Variants in ASPG observed in about 807,000 individuals in gnomAD.
The protein encoded by ASPG is 60 kDa lysophospholipase.
Under a neutral mutation model 63.2 loss-of-function variants are expected in ASPG, and 53 were observed. That is an observed-to-expected ratio of 0.84 (90% confidence interval 0.67 to 1.05). The LOEUF (loss-of-function observed/expected upper bound fraction) is 1.05. Among genes scored for constraint, ASPG ranks in the 50% least tolerant of loss-of-function variants. The pLI, the probability that ASPG is intolerant of heterozygous loss-of-function variation, is 0.00. For synonymous variants in ASPG, 370 were observed against 355.0 expected (o/e 1.04, Z -0.48); for missense variants, 741 against 794.4 (o/e 0.93, Z 0.81).
chr14:104,092,293 T>G (rs2036392056), intron 1 of ASPG, among the ~76,000 whole-genome samples: 1 of 152,060 alleles, frequency 6.6e-6, no homozygotes, highest in Admixed American at 6.5e-5. Flanking sequence ...CCCGTGGGCC[T>G]TGGTGGGGAG....
chr14:104,092,652 C>A lies in ASPG; in HGVS notation c.102C>A (p.Gly34=). The change falls in exon 2 of 16, where the codon GGC becomes GGA. Residue 34 remains glycine (G), a synonymous_variant. Coordinates refer to ENST00000551177, the MANE Select transcript of ASPG (RefSeq NM_001080464.3). ...SELGVLVPGT[G]LAAILRTLPM... The stretch of plus-strand genomic sequence containing the variant: ...CTGCAGTGCTTGTGCCCGGGACGGG[C>A]CTGGCTGCCATCCTGAGGACACTGC... The A allele has an allele frequency of 6.5e-7, 1 of 1,536,414 alleles. No individual in the cohort carries two copies. The highest frequency in any genetic ancestry group is 8.7e-7 in the Non-Finnish European group (1 of 1,147,300).
chr14:104,108,697 C>A (rs999513027), intron 12 of ASPG: 12 of 985,196 alleles, frequency 1.2e-5, no homozygotes, highest in African/African-American at 3.5e-5. Context: ...ACCCCACCCC[C>A]ACAGACTCCA....
In ASPG at chr14:104,105,380, GC is replaced by G; in HGVS notation, c.1105del (p.Arg369GlyfsTer19). 1 of 1,612,496 alleles carries G rather than the reference GC, an allele frequency of 6.2e-7. No individual in the cohort carries two copies. The highest frequency in any genetic ancestry group is 8.5e-7 in the Non-Finnish European group (1 of 1,179,720). ...GEMTPPSVEE[R>X]RPSLQGNTLG... The stretch of plus-strand genomic sequence containing the variant: ...ATGACGCCACCCTCGGTGGAAGAGC[GC>G]CGGCCCTCACTGCAGGGCAACACGC... On this transcript the variant is annotated frameshift_variant, in exon 10 of 16. Coordinates refer to ENST00000551177, the MANE Select transcript of ASPG (RefSeq NM_001080464.3). LOFTEE classifies it high-confidence loss of function.
At chr14:104,107,103 A>C (rs2037164755) in intron 11 of ASPG, 79 bp from the exon 12 acceptor site, 1 of 1,496,716 alleles carries the variant, frequency 6.7e-7, no homozygotes, top group Admixed American at 2.2e-5. Context: ...CTACCCTCAG[A>C]GGGACCCCAC....
chr14:104,086,694 G>T (rs1322725536), intron 1 of ASPG, among the ~76,000 whole-genome samples: 1 of 152,030 alleles, frequency 6.6e-6, no homozygotes, highest in African/African-American at 2.4e-5. Context: ...CTCCCTTGGG[G>T]CCAGGACAGC....
chr14:104,112,826 TC>T lies in ASPG; in HGVS notation c.*284del. 5.3e-6 allele frequency: 3 copies of T among 561,144 alleles called. No homozygotes were observed. Among genetic ancestry groups the T allele is most frequent in the Non-Finnish European group, 9.2e-6 (3 of 326,696 alleles). The allele number at this position is 561,144 out of a possible 1,614,324, so 34.8% of individuals were successfully genotyped here. ...CTGCGGGGGTCACTTGGCCCATCCT[TC>T]CGGGGGCAGCTGTGCGTGTGAGCTG... On this transcript the variant is annotated 3_prime_UTR_variant, in exon 16 of 16. Transcript: ENST00000551177.
chr14:104,107,464 C>T (rs2037187186), intron 12 of ASPG, 119 bp downstream of exon 12: 1 of 1,058,426 alleles, frequency 9.4e-7, no homozygotes, highest in Non-Finnish European at 1.2e-6. Context: ...ACACCTGCTT[C>T]CTAAAGGCTG....
chr14:104,111,828 G>A, intron 14 of ASPG, 92 bp from the exon 15 acceptor site: 1 of 1,293,964 alleles, frequency 7.7e-7, no homozygotes, highest in Non-Finnish European at 1.1e-6. Context: ...TGTGGGCTGG[G>A]GACAGGGGAG....
chr14:104,108,038 C>A (rs978843892), intron 12 of ASPG, among the ~76,000 whole-genome samples: 10 of 152,052 alleles, frequency 6.6e-5, no homozygotes, highest in African/African-American at 1.9e-4. Context: ...GCTCAGGAGT[C>A]CCATGGAGAG....
chr14:104,111,773 G>A (rs2037391431), intron 14 of ASPG, 147 bp from the exon 15 acceptor site: 1 of 963,692 alleles, frequency 1.0e-6, no homozygotes, highest in Non-Finnish European at 1.5e-6. Flanking sequence ...GGGGCTCTGA[G>A]TGGTGGGGGT....
chr14:104,111,150 CAT>C (rs1259079823), intron 13 of ASPG: 75 of 985,372 alleles, frequency 7.6e-5, no homozygotes, highest in Admixed American at 1.2e-4. Context: ...CGCATGTGCT[CAT>C]GTGTGTGTGC....
chr14:104,087,421 T>C (rs1182537327), intron 1 of ASPG, among the ~76,000 whole-genome samples: 1 of 152,138 alleles, frequency 6.6e-6, no homozygotes, highest in Non-Finnish European at 1.5e-5. Flanking sequence ...GTAGGGGCTG[T>C]GGGCTGATAA....
At chr14:104,095,292 G>T (rs1464060689) in intron 3 of ASPG, among the ~76,000 whole-genome samples, 1 of 152,226 alleles carries the variant, frequency 6.6e-6, no homozygotes, top group Non-Finnish European at 1.5e-5. Context: ...GCTCTGAGGG[G>T]AGCCTCAGCG....
intron 13 of ASPG, chr14:104,111,108 G>A (rs763227972): frequency 8.3e-5 from 82 of 985,372 alleles, no homozygotes; most frequent in East Asian, 1.1e-4. Flanking sequence ...TGGGCTGCTC[G>A]GCAGGTGGGC....
chr14:104,105,599 G>C, intron 10 of ASPG, 149 bp downstream of exon 10: 1 of 1,161,228 alleles, frequency 8.6e-7, no homozygotes, highest in South Asian at 1.6e-5. Context: ...CCCAGGAGGA[G>C]GGTTTGGGGT....
At position 104,109,086 on chromosome 14, in the gene ASPG, T is replaced by C; in HGVS notation, c.1434-143T>C. 6.8e-7 allele frequency: 1 copy of C among 1,478,764 alleles called. No homozygotes were observed. The highest frequency in any genetic ancestry group is 9.0e-7 in the Non-Finnish European group (1 of 1,115,426). The allele number at this position is 1,478,764 out of a possible 1,614,324, so 91.6% of individuals were successfully genotyped here. ...AGGCAGAGGATGGGGGGATGGGCCC[T>C]TGTCTGAGGCTAGGGCTGTGGGGTC... On this transcript the variant is annotated intron_variant, in intron 12 of 15. Transcript: ENST00000551177. The surrounding 1 kb of genome is among the most constrained non-coding windows in gnomAD (Gnocchi z 4.8).
intron 4 of ASPG, among the ~76,000 whole-genome samples, chr14:104,096,563 C>G (rs2036603880): frequency 1.3e-5 from 2 of 152,164 alleles, no homozygotes; most frequent in African/African-American, 4.8e-5. Flanking sequence ...AGGGCTCCAG[C>G]TGGTTCTCCT....
chr14:104,095,730 G>T, intron 4 of ASPG, 74 bp downstream of exon 4: 1 of 1,581,384 alleles, frequency 6.3e-7, no homozygotes, highest in Non-Finnish European at 8.6e-7. Flanking sequence ...GCTGTGGGCG[G>T]CCGCTGCGGG....
chr14:104,112,099 G>A (rs1025470128), intron 15 of ASPG, 99 bp downstream of exon 15: 3 of 1,180,772 alleles, frequency 2.5e-6, no homozygotes, highest in African/African-American at 3.1e-5. Flanking sequence ...GAACAGAACC[G>A]GAGGAGGCTG....
Sources: gnomAD v4.1 joint callset for allele counts (sites outside exome capture counted in the v4.1 genomes callset) on GRCh38, gnomAD v4.1.1 for gene constraint, Gnocchi (gnomAD v3.1) non-coding constraint, MANE v1.5 for transcripts, NCBI Gene and HGNC (gene_info 2026-07-23, HGNC 2026-07-21) for gene names.